Variants in EXOG observed in about 807,000 individuals in gnomAD.
EXOG encodes nuclease EXOG, mitochondrial.
Under a neutral mutation model 25.8 loss-of-function variants are expected in EXOG, and 27 were observed. The observed-to-expected ratio is 1.05, with a 90% CI of 0.77 to 1.45. The LOEUF (loss-of-function observed/expected upper bound fraction) is 1.45, where lower values mean the gene tolerates loss of function less well. Ranked by LOEUF, EXOG falls within the 40% of genes most tolerant of loss-of-function variation. EXOG has a pLI of 0.00. For missense variants in EXOG, 458 were observed against 450.5 expected (o/e 1.02, Z -0.15); for synonymous variants, 133 against 167.0 (o/e 0.80, Z 1.57).
intron 5 of EXOG, among the ~76,000 whole-genome samples, chr3:38,507,619 G>T (rs1409478257): frequency 6.6e-6 from 1 of 152,132 alleles, no homozygotes; most frequent in African/African-American, 2.4e-5. Context: ...TGTTTTAAGC[G>T]TGGGAGAAAT....
chr3:38,498,140 A>G (rs2059947255), intron 2 of EXOG: 1 of 173,844 alleles, frequency 5.8e-6, no homozygotes, highest in Non-Finnish European at 1.2e-5. Context: ...GAGGATCTCT[A>G]CCCCAGTGAC....
chr3:38,520,356 A>G (rs1325851447), intron 5 of EXOG, among the ~76,000 whole-genome samples: 3 of 152,222 alleles, frequency 2.0e-5, no homozygotes, highest in Admixed American at 6.5e-5. Context: ...AATTTTTGCT[A>G]CAGTCTTGAG....
At chr3:38,509,664 TCAGA>T (rs1378551299) in intron 5 of EXOG, among the ~76,000 whole-genome samples, 1 of 152,168 alleles carries the variant, frequency 6.6e-6, no homozygotes, top group Non-Finnish European at 1.5e-5. Context: ...AAGGAAGTGC[TCAGA>T]CAAATGGTGG....
At chr3:38,501,331 T>G in intron 2 of EXOG, 24 bp from the exon 3 acceptor site, 2 of 1,608,776 alleles carry the variant, frequency 1.2e-6, no homozygotes, top group Non-Finnish European at 1.7e-6. Flanking sequence ...TGATAACATA[T>G]CCATTTTGTG....
chr3:38,497,177 C>A (rs1984313), intron 1 of EXOG: 1 of 1,006,328 alleles, frequency 9.9e-7, no homozygotes, highest in Non-Finnish European at 1.2e-6. Flanking sequence ...AGAGAACTAC[C>A]CCCTTGGGGG....
chr3:38,499,827 C>A (rs2300669), intron 2 of EXOG: 153,644 of 361,498 alleles, frequency 0.43, 33,729 homozygotes, highest in African/African-American at 0.56. Context: ...AGCATAGTGG[C>A]GAATTGCTAG....
At chr3:38,517,102 G>A (rs945564017) in intron 5 of EXOG, among the ~76,000 whole-genome samples, 8 of 152,098 alleles carry the variant, frequency 5.3e-5, no homozygotes, top group Non-Finnish European at 1.2e-4. Flanking sequence ...TTTCGTCTTC[G>A]AACTTTCACT....
rs147882556 is a variant in EXOG at position 38,525,118 on chromosome 3, A to G, written c.*756A>G. 24 of 951,446 alleles carry G rather than the reference A, an allele frequency of 2.5e-5. 1 individual carries two copies. Among genetic ancestry groups the G allele is most frequent in the Non-Finnish European group, 3.0e-5 (24 of 799,364 alleles). 58.9% of individuals were successfully genotyped at this position (951,446 alleles called of 1,614,324 possible). On this transcript the variant is annotated 3_prime_UTR_variant, in exon 6 of 6. Coordinates refer to ENST00000287675, the MANE Select transcript of EXOG (RefSeq NM_005107.4). The stretch of plus-strand genomic sequence containing the variant: ...TTTCTGCTCATTAAATGTGTTCTAT[A>G]TACTAGGCTCAGTGCTTTACATGTG...
At chr3:38,510,115 G>A (rs2060321752) in intron 5 of EXOG, among the ~76,000 whole-genome samples, 1 of 152,114 alleles carries the variant, frequency 6.6e-6, no homozygotes, top group Admixed American at 6.6e-5. Context: ...TTAGTGAAAC[G>A]CTGTACTCCT....
At chr3:38,497,528 C>A in intron 1 of EXOG, 101 bp from the exon 2 acceptor site, 1 of 1,423,862 alleles carries the variant, frequency 7.0e-7, no homozygotes, top group Non-Finnish European at 9.1e-7. Flanking sequence ...AATCACACCG[C>A]TCTCCTTTTC....
intron 5 of EXOG, among the ~76,000 whole-genome samples, chr3:38,520,373 T>C (rs1174741389): frequency 6.6e-6 from 1 of 152,258 alleles, no homozygotes; most frequent in Non-Finnish European, 1.5e-5. Flanking sequence ...TGAGTAGAGT[T>C]CAGTGCTTCT....
chr3:38,507,466 G>C (rs1575630833), intron 5 of EXOG, among the ~76,000 whole-genome samples: 1 of 152,188 alleles, frequency 6.6e-6, no homozygotes, highest in African/African-American at 2.4e-5. Context: ...AAAAATTGGA[G>C]CTTATGGTAC....
At chr3:38,514,691 A>G (rs2060476953) in intron 5 of EXOG, among the ~76,000 whole-genome samples, 1 of 151,478 alleles carries the variant, frequency 6.6e-6, no homozygotes, top group African/African-American at 2.4e-5. Flanking sequence ...TCTCCTTATT[A>G]TACTCCTAGC....
chr3:38,507,841 A>G (rs748794440), intron 5 of EXOG, among the ~76,000 whole-genome samples: 1 of 152,170 alleles, frequency 6.6e-6, no homozygotes. Context: ...CAGGATAACA[A>G]CTAGATTGCA....
Position 38,496,789 on chromosome 3 carries a change from C to A in EXOG, c.163+259C>A, listed in dbSNP as rs575083008. 1.1e-5 allele frequency: 16 copies of A among 1,454,634 alleles called. No individual in the cohort carries two copies. In the South Asian group the frequency reaches 1.9e-4, roughly 17 times the overall value. 90.1% of individuals were successfully genotyped at this position (1,454,634 alleles called of 1,614,324 possible). A position where few individuals can be genotyped will look rare whatever the true frequency, so the allele number is the denominator to read the frequency against. ...CCACCCCCGCCGCCCGACTTTCTTC[C>A]CCCCAGTTACTCATCGCGATATCTA... On this transcript the variant is annotated intron_variant, in intron 1 of 5. Transcript: ENST00000287675.
At position 38,497,023 on chromosome 3, in the gene EXOG, A is replaced by G. The variant is rs2059910948; in HGVS notation, c.163+493A>G. 3.9e-6 allele frequency: 4 copies of G among 1,030,382 alleles called. No homozygotes were observed. In the South Asian group the frequency reaches 9.7e-5, roughly 25 times the overall value. 63.8% of individuals were successfully genotyped at this position (1,030,382 alleles called of 1,614,324 possible). A position where few individuals can be genotyped will look rare whatever the true frequency, so the allele number is the denominator to read the frequency against. ...ATTGTTCAGTTGAAGAATACCTGCTATCCCTCCAAAGTGTATAAAAACTCA... is the reference window on the plus strand; with the variant it reads ...ATTGTTCAGTTGAAGAATACCTGCTGTCCCTCCAAAGTGTATAAAAACTCA... On this transcript the variant is annotated intron_variant, in intron 1 of 5. Coordinates refer to ENST00000287675, the MANE Select transcript of EXOG (RefSeq NM_005107.4).
At chr3:38,521,509 A>T (rs905638313) in intron 5 of EXOG, among the ~76,000 whole-genome samples, 1 of 152,210 alleles carries the variant, frequency 6.6e-6, no homozygotes. Context: ...TTGTTTGTAG[A>T]CAAGGAGTCC....
At chr3:38,523,126 A>T in intron 5 of EXOG, 5 of 996,502 alleles carry the variant, frequency 5.0e-6, no homozygotes, top group Non-Finnish European at 6.9e-6. Flanking sequence ...CTATCTGTTT[A>T]GTTCCCTAGT....
At position 38,526,166 on chromosome 3, in the gene EXOG, T is replaced by C. The variant is rs1463300607; in HGVS notation, c.*1804T>C. ...CCTGAGTATTGTCAGTAAAACGTCT[T>C]GGGGCATAAGAACTTGTCTGAATCT... On this transcript the variant is annotated 3_prime_UTR_variant, in exon 6 of 6. Coordinates refer to ENST00000287675, the MANE Select transcript of EXOG (RefSeq NM_005107.4). 5 of 985,216 alleles carry C rather than the reference T, an allele frequency of 5.1e-6. No homozygotes were observed. In the Admixed American group the frequency reaches 2.5e-4, roughly 48 times the overall value. 61.0% of individuals were successfully genotyped at this position (985,216 alleles called of 1,614,324 possible).
Sources: gnomAD v4.1 joint callset for allele counts (sites outside exome capture counted in the v4.1 genomes callset) on GRCh38, gnomAD v4.1.1 for gene constraint, MANE v1.5 for transcripts, NCBI Gene and HGNC (gene_info 2026-07-23, HGNC 2026-07-21) for gene names.